Variants in AGAP1 observed in about 807,000 individuals in gnomAD.
The protein encoded by AGAP1 is ArfGAP with GTPase domain, ankyrin repeat and PH domain 1.
Under a neutral mutation model 105.3 loss-of-function variants are expected in AGAP1, and 29 were observed. The ratio of observed to expected loss-of-function variants is 0.28; its 90% CI spans 0.21 to 0.38. The LOEUF (loss-of-function observed/expected upper bound fraction) is 0.38, where lower values mean the gene tolerates loss of function less well. Among genes scored for constraint, AGAP1 ranks in the 10% least tolerant of loss-of-function variants. The probability of loss-of-function intolerance (pLI) is 1.00; values close to 1 mark genes in which losing one functional copy is unlikely to be tolerated. For synonymous variants in AGAP1, 509 were observed against 485.9 expected (o/e 1.05, Z -0.63); for missense variants, 998 against 1,165.1 (o/e 0.86, Z 2.09).
rs555762047 is a variant in AGAP1 at position 235,737,083 on chromosome 2, C to T, written c.311-3880C>T. 6.6e-6 allele frequency among the ~76,000 whole-genome samples: 1 copy of T among 152,292 alleles called. No individual in the cohort carries two copies. Among genetic ancestry groups the T allele is most frequent in the Non-Finnish European group, 1.5e-5 (1 of 68,018 alleles). On this transcript the variant is annotated intron_variant, in intron 3 of 17. Coordinates refer to ENST00000304032, the MANE Select transcript of AGAP1 (RefSeq NM_001037131.3). This position sits in a 1 kb window ranked among gnomAD's most constrained non-coding sequence, Gnocchi z 4.5. Reference sequence around the variant, plus strand: ...CCAGACTTCTCAAGGCCCAGTGGTCCTATTGAGCTGAACCTGCTCCCATCA... The same window carrying T: ...CCAGACTTCTCAAGGCCCAGTGGTCTTATTGAGCTGAACCTGCTCCCATCA...
Position 235,736,437 on chromosome 2 carries a change from C to T in AGAP1, c.311-4526C>T, listed in dbSNP as rs1425317191. Among the ~76,000 whole-genome samples the T allele has an allele frequency of 5.9e-5, 9 of 152,146 alleles. No homozygotes were observed. The highest frequency in any genetic ancestry group is 5.2e-4 in the Admixed American group (8 of 15,274). ...CTCATGGCAGATCCATTACATGGGCCATGGGCCAAGCTGTGCACCAGGTGC... is the reference window on the plus strand; with the variant it reads ...CTCATGGCAGATCCATTACATGGGCTATGGGCCAAGCTGTGCACCAGGTGC... On this transcript the variant is annotated intron_variant, in intron 3 of 17. Transcript: ENST00000304032. This position sits in a 1 kb window ranked among gnomAD's most constrained non-coding sequence, Gnocchi z 5.5.
intron 1 of AGAP1, among the ~76,000 whole-genome samples, chr2:235,624,916 A>C (rs1368694556): frequency 5.9e-5 from 9 of 151,982 alleles, no homozygotes; most frequent in Non-Finnish European, 1.3e-4. Flanking sequence ...CCCTCTACTC[A>C]TGCTCTTGCC....
rs1166682219 is a variant in AGAP1 at position 235,635,340 on chromosome 2, G to C, written c.164-73839G>C. Among the ~76,000 whole-genome samples the C allele has an allele frequency of 6.6e-6, 1 of 152,142 alleles. No individual in the cohort carries two copies. The highest frequency in any genetic ancestry group is 1.5e-5 in the Non-Finnish European group (1 of 68,036). On this transcript the variant is annotated intron_variant, in intron 1 of 17. Coordinates refer to ENST00000304032, the MANE Select transcript of AGAP1 (RefSeq NM_001037131.3). This position sits in a 1 kb window ranked among gnomAD's most constrained non-coding sequence, Gnocchi z 5.3. ...TGAGTGAGCTGCGCACAGTCTCCTT[G>C]TACAAGCAGGACATTTCTCCGTTTC...
In AGAP1 at chr2:235,959,077, G is replaced by A. The variant is rs2054070319; in HGVS notation, c.1484-9385G>A. On this transcript the variant is annotated intron_variant, in intron 12 of 17. Transcript: ENST00000304032. This position sits in a 1 kb window ranked among gnomAD's most constrained non-coding sequence, Gnocchi z 7.3. Reference sequence around the variant, plus strand: ...GGACCCCAGTCCCTCCGTCAGAGCCGGTTTAGATGTGGAGTAATGAGGCGC... The same window carrying A: ...GGACCCCAGTCCCTCCGTCAGAGCCAGTTTAGATGTGGAGTAATGAGGCGC... 1.3e-5 allele frequency among the ~76,000 whole-genome samples: 2 copies of A among 152,172 alleles called. No homozygotes were observed. Among genetic ancestry groups the A allele is most frequent in the Non-Finnish European group, 2.9e-5 (2 of 68,032 alleles).
Position 236,056,574 on chromosome 2 carries a change from C to T in AGAP1, c.2114+7293C>T, listed in dbSNP as rs2125737701. On this transcript the variant is annotated intron_variant, in intron 16 of 17. Coordinates refer to ENST00000304032, the MANE Select transcript of AGAP1 (RefSeq NM_001037131.3). The surrounding 1 kb of genome is among the most constrained non-coding windows in gnomAD (Gnocchi z 4.6). ...TAGGCTTGAATTATATAACATGGGCCAATAAATATGGCCTCTATTTTGATT... is the reference window on the plus strand; with the variant it reads ...TAGGCTTGAATTATATAACATGGGCTAATAAATATGGCCTCTATTTTGATT... Among the ~76,000 whole-genome samples the T allele has an allele frequency of 6.6e-6, 1 of 152,244 alleles. No individual in the cohort carries two copies. The highest frequency in any genetic ancestry group is 3.4e-3 in the Middle Eastern group (1 of 294).
intron 1 of AGAP1, among the ~76,000 whole-genome samples, chr2:235,537,567 G>A (rs998865271): frequency 2.0e-5 from 3 of 152,204 alleles, no homozygotes; most frequent in South Asian, 4.1e-4. Context: ...TGCTGGGCAC[G>A]TGTAAAATAG....
At chr2:235,565,977 A>G (rs1025558352) in intron 1 of AGAP1, among the ~76,000 whole-genome samples, 3 of 152,358 alleles carry the variant, frequency 2.0e-5, no homozygotes, top group Middle Eastern at 3.4e-3. Flanking sequence ...GAAAAATTTC[A>G]TACAGAAAAG....
At chr2:236,025,296 G>A (rs905967572) in intron 13 of AGAP1, among the ~76,000 whole-genome samples, 5 of 152,118 alleles carry the variant, frequency 3.3e-5, no homozygotes, top group Non-Finnish European at 5.9e-5. Flanking sequence ...GGAGAGTAAT[G>A]CTCGGCTCTG....
At chr2:235,857,093 A>G (rs1380217620) in intron 9 of AGAP1, among the ~76,000 whole-genome samples, 1 of 152,158 alleles carries the variant, frequency 6.6e-6, no homozygotes, top group Non-Finnish European at 1.5e-5. Flanking sequence ...CCACTCCCAG[A>G]TGGCAGCCTG....
At position 236,036,215 on chromosome 2, in the gene AGAP1, C is replaced by T. The variant is rs1178800268; in HGVS notation, c.1646-346C>T. 6.6e-6 allele frequency among the ~76,000 whole-genome samples: 1 copy of T among 152,202 alleles called. No individual in the cohort carries two copies. The highest frequency in any genetic ancestry group is 1.5e-5 in the Non-Finnish European group (1 of 68,036). On this transcript the variant is annotated intron_variant, in intron 13 of 17. Coordinates refer to ENST00000304032, the MANE Select transcript of AGAP1 (RefSeq NM_001037131.3). This position sits in a 1 kb window ranked among gnomAD's most constrained non-coding sequence, Gnocchi z 5.7. Reference sequence around the variant, plus strand: ...AGATTAGCGGCCCTAACTTAATTTTCGTCCCACAGATAAGGATGGTCAGCC... The same window carrying T: ...AGATTAGCGGCCCTAACTTAATTTTTGTCCCACAGATAAGGATGGTCAGCC...
Position 235,953,684 on chromosome 2 carries a change from GC to G in AGAP1, c.1484-14777del, listed in dbSNP as rs2053834010. 6.6e-6 allele frequency among the ~76,000 whole-genome samples: 1 copy of G among 152,176 alleles called. No individual in the cohort carries two copies. Among genetic ancestry groups the G allele is most frequent in the Non-Finnish European group, 1.5e-5 (1 of 68,020 alleles). The stretch of plus-strand genomic sequence containing the variant: ...TTTTTTCCACGCCTGTAATCTCAGT[GC>G]TTTGGGAGGCCAAAGCAGAAGGATC... On this transcript the variant is annotated intron_variant, in intron 12 of 17. Coordinates refer to ENST00000304032, the MANE Select transcript of AGAP1 (RefSeq NM_001037131.3). The surrounding 1 kb of genome is among the most constrained non-coding windows in gnomAD (Gnocchi z 5.2).
intron 16 of AGAP1, among the ~76,000 whole-genome samples, chr2:236,110,151 A>G (rs2059606851): frequency 6.6e-6 from 1 of 152,224 alleles, no homozygotes; most frequent in South Asian, 2.1e-4. Context: ...GGGTAAGAAT[A>G]GGACCTTCCT....
Position 236,130,317 on chromosome 2 carries a change from A to C in AGAP1, c.*6195A>C, listed in dbSNP as rs2060065875. 1 of 148,476 alleles carries C rather than the reference A, an allele frequency of 6.7e-6. No individual in the cohort carries two copies. The highest frequency in any genetic ancestry group is 2.0e-4 in the East Asian group (1 of 5,072). The allele number at this position is 148,476 out of a possible 1,614,324, so 9.2% of individuals were successfully genotyped here. ...AGGATGGTGAAACCATATGATAGAG[A>C]CTCCTTGTCGAAGTCCACATCGGAC... On this transcript the variant is annotated 3_prime_UTR_variant, in exon 18 of 18. Transcript: ENST00000304032. The surrounding 1 kb of genome is among the most constrained non-coding windows in gnomAD (Gnocchi z 5.8).
intron 3 of AGAP1, among the ~76,000 whole-genome samples, chr2:235,735,949 G>A (rs1952222556): frequency 1.3e-5 from 2 of 152,012 alleles, no homozygotes; most frequent in South Asian, 2.1e-4. Flanking sequence ...TTCAAACTCA[G>A]TGCAGAAAGC....
In AGAP1 at chr2:235,875,562, C is replaced by G. The variant is rs1475863514; in HGVS notation, c.1051-7783C>G. ...GTGCTTTGAAGGCTGCGATTGGACACGTGATTCCCAGCACGTTTCCTGAGG... is the reference window on the plus strand; with the variant it reads ...GTGCTTTGAAGGCTGCGATTGGACAGGTGATTCCCAGCACGTTTCCTGAGG... On this transcript the variant is annotated intron_variant, in intron 9 of 17. Coordinates refer to ENST00000304032, the MANE Select transcript of AGAP1 (RefSeq NM_001037131.3). The surrounding 1 kb of genome is among the most constrained non-coding windows in gnomAD (Gnocchi z 4.0). Among the ~76,000 whole-genome samples the G allele has an allele frequency of 6.6e-6, 1 of 152,168 alleles. No homozygotes were observed. The highest frequency in any genetic ancestry group is 1.5e-5 in the Non-Finnish European group (1 of 68,032).
At chr2:235,717,379 G>C (rs1198931747) in intron 2 of AGAP1, among the ~76,000 whole-genome samples, 178 bp from the exon 3 acceptor site, 1 of 152,246 alleles carries the variant, frequency 6.6e-6, no homozygotes, top group Non-Finnish European at 1.5e-5. Context: ...TGTTAATTAA[G>C]AGTGTTGGAC....
chr2:235,820,353 A>G (rs1229324097), intron 9 of AGAP1, among the ~76,000 whole-genome samples: 2 of 152,236 alleles, frequency 1.3e-5, no homozygotes, highest in Non-Finnish European at 2.9e-5. Flanking sequence ...TTTAGGTTAC[A>G]CAGAAGTGGT....
In AGAP1 at chr2:235,705,628, G is replaced by T. The variant is rs1950499323; in HGVS notation, c.164-3551G>T. 6.6e-6 allele frequency among the ~76,000 whole-genome samples: 1 copy of T among 152,042 alleles called. No homozygotes were observed. Among genetic ancestry groups the T allele is most frequent in the African/African-American group, 2.4e-5 (1 of 41,290 alleles). On this transcript the variant is annotated intron_variant, in intron 1 of 17. Coordinates refer to ENST00000304032, the MANE Select transcript of AGAP1 (RefSeq NM_001037131.3). This position sits in a 1 kb window ranked among gnomAD's most constrained non-coding sequence, Gnocchi z 4.9. ...GTTTTGTTAATTTTCGTTTAGCTTT[G>T]TATGAGGCAGCATTCCATTTTGACT...
chr2:235,751,636 A>G lies in AGAP1; in HGVS notation c.673+1148A>G, dbSNP rs1953450643. ...ATTCTGTACATTCACTGTTCAACTC[A>G]GTTTCAAAGATGACATCAGTTCTCA... On this transcript the variant is annotated intron_variant, in intron 6 of 17. Transcript: ENST00000304032. This position sits in a 1 kb window ranked among gnomAD's most constrained non-coding sequence, Gnocchi z 5.3. Among the ~76,000 whole-genome samples, 1 of 152,194 alleles carries G rather than the reference A, an allele frequency of 6.6e-6. No homozygotes were observed. Among genetic ancestry groups the G allele is most frequent in the Non-Finnish European group, 1.5e-5 (1 of 68,028 alleles).
Sources: gnomAD v4.1 joint callset for allele counts (sites outside exome capture counted in the v4.1 genomes callset) on GRCh38, gnomAD v4.1.1 for gene constraint, Gnocchi (gnomAD v3.1) non-coding constraint, MANE v1.5 for transcripts, NCBI Gene and HGNC (gene_info 2026-07-23, HGNC 2026-07-21) for gene names.